The following FILIP1L variants were observed in gnomAD, a reference collection of about 807,000 sequenced individuals.
FILIP1L encodes the protein filamin A interacting protein 1 like, also known as filamin A-interacting protein 1-like.
Under a neutral mutation model 96.6 loss-of-function variants are expected in FILIP1L, and 55 were observed. The ratio of observed to expected loss-of-function variants is 0.57; its 90% CI spans 0.46 to 0.71. FILIP1L has a LOEUF of 0.71. FILIP1L is among the 30% of genes least tolerant of loss of function. The pLI, the probability that FILIP1L is intolerant of heterozygous loss-of-function variation, is 0.00. For synonymous variants in FILIP1L, 467 were observed against 473.9 expected, an observed-to-expected ratio of 0.99 and a Z score of 0.19; for missense variants, 1,304 against 1,321.2, an observed-to-expected ratio of 0.99 and a Z score of 0.20.
chr3:99,882,890 T>C (rs911587308), intron 4 of FILIP1L, among the ~76,000 whole-genome samples: 2 of 152,254 alleles, frequency 1.3e-5, no homozygotes, highest in African/African-American at 2.4e-5. Flanking sequence ...TATAGATTGC[T>C]GCTTATCATC....
chr3:99,911,089 G>A (rs76686852), intron 4 of FILIP1L, among the ~76,000 whole-genome samples: 6,421 of 152,030 alleles, frequency 0.042, 181 homozygotes, highest in Middle Eastern at 0.092. Context: ...CTAGGCAAAG[G>A]GATTAGGTAG....
At chr3:99,942,409 A>C (rs1168341781) in intron 1 of FILIP1L, among the ~76,000 whole-genome samples, 2 of 152,206 alleles carry the variant, frequency 1.3e-5, no homozygotes, top group Admixed American at 1.3e-4. Context: ...AATATTGAGG[A>C]TCTCTGAAGA....
At chr3:100,096,869 C>A (rs1234636434) in intron 1 of FILIP1L, among the ~76,000 whole-genome samples, 1 of 152,110 alleles carries the variant, frequency 6.6e-6, no homozygotes, top group Non-Finnish European at 1.5e-5. Context: ...CAAAATATCT[C>A]ATATACCCCA....
intron 1 of FILIP1L, among the ~76,000 whole-genome samples, chr3:99,984,302 T>C (rs1462823786): frequency 6.6e-6 from 1 of 152,232 alleles, no homozygotes; most frequent in Non-Finnish European, 1.5e-5. Flanking sequence ...GGCTATATTT[T>C]GTCTTCTCCA....
intron 1 of FILIP1L, among the ~76,000 whole-genome samples, chr3:99,954,884 G>A (rs369633601): frequency 6.6e-6 from 1 of 152,034 alleles, no homozygotes; most frequent in Non-Finnish European, 1.5e-5. Flanking sequence ...AGGGTAAAAT[G>A]AAATAATTGA....
chr3:99,895,163 T>TAC (rs1491010603), intron 4 of FILIP1L, among the ~76,000 whole-genome samples: 2 of 149,054 alleles, frequency 1.3e-5, no homozygotes, highest in Non-Finnish European at 2.9e-5. Context: ...AGAGAATGCT[T>TAC]ATATATATAT....
intron 4 of FILIP1L, among the ~76,000 whole-genome samples, chr3:99,899,229 A>C (rs1422584446): frequency 1.3e-5 from 2 of 152,358 alleles, no homozygotes; most frequent in East Asian, 3.9e-4. Flanking sequence ...TCATATAAAG[A>C]GTCTGCTCAG....
intron 4 of FILIP1L, among the ~76,000 whole-genome samples, chr3:99,860,646 G>T (rs1232023386): frequency 6.6e-6 from 1 of 152,144 alleles, no homozygotes; most frequent in Admixed American, 6.6e-5. Flanking sequence ...TTCTGGGCTA[G>T]AAAAGACACT....
chr3:100,038,877 T>A (rs190452894), intron 1 of FILIP1L, among the ~76,000 whole-genome samples: 2 of 152,096 alleles, frequency 1.3e-5, no homozygotes, highest in African/African-American at 4.8e-5. Flanking sequence ...GAACATATTG[T>A]CTATATCGTA....
chr3:99,991,993 CGT>C (rs1559717311), intron 1 of FILIP1L, among the ~76,000 whole-genome samples: 5 of 142,850 alleles, frequency 3.5e-5, no homozygotes, highest in Non-Finnish European at 7.6e-5. Context: ...TGTATATATA[CGT>C]ATATATATGT....
chr3:100,001,580 T>A (rs1391548205), intron 1 of FILIP1L, among the ~76,000 whole-genome samples: 1 of 152,142 alleles, frequency 6.6e-6, no homozygotes, highest in Non-Finnish European at 1.5e-5. Flanking sequence ...GCCAGAACAT[T>A]GTTAAATGAC....
intron 1 of FILIP1L, among the ~76,000 whole-genome samples, chr3:99,948,738 A>G (rs1708089100): frequency 2.0e-5 from 3 of 151,728 alleles, no homozygotes; most frequent in East Asian, 1.9e-4. Context: ...GAAGGGAAGG[A>G]AAGGAAAAAA....
At chr3:100,074,675 A>AGTTTTTTTTTTTTTTTTTTTTTTTT (rs2065818687) in intron 1 of FILIP1L, among the ~76,000 whole-genome samples, 1 of 34,782 alleles carries the variant, frequency 2.9e-5, no homozygotes, top group African/African-American at 1.2e-4. Context: ...GCAACATTTG[A>AGTTTTTTTTTTTTTTTTTTTTTTTT]TTTTTTTTTT....
At chr3:100,055,355 C>T (rs747440235) in intron 1 of FILIP1L, among the ~76,000 whole-genome samples, 15 of 152,208 alleles carry the variant, frequency 9.9e-5, no homozygotes, top group Non-Finnish European at 1.8e-4. Flanking sequence ...TCCATCCAGG[C>T]GATAGAAAAT....
chr3:100,106,163 A>C (rs1307920020), intron 1 of FILIP1L, among the ~76,000 whole-genome samples: 1 of 152,170 alleles, frequency 6.6e-6, no homozygotes, highest in Non-Finnish European at 1.5e-5. Context: ...ACCACATAGT[A>C]AATCAGAAGA....
intron 1 of FILIP1L, among the ~76,000 whole-genome samples, chr3:100,016,851 A>G (rs911760400): frequency 9.8e-5 from 15 of 152,346 alleles, no homozygotes; most frequent in Middle Eastern, 6.8e-3. Context: ...ATTTCATGAC[A>G]TCTTAGTCTA....
rs553566326 is a variant in FILIP1L at position 99,906,287 on chromosome 3, A to G, written c.605+17943T>C. On this transcript the variant is annotated intron_variant, in intron 4 of 5. Coordinates refer to ENST00000477258, the MANE Select transcript of FILIP1L (RefSeq NM_001387850.1). ...ATTTGTATTTCCCTGATGATTTATA[A>G]TGTTGAAACTCCCTTTCACATGCTT... Among the ~76,000 whole-genome samples the G allele has an allele frequency of 2.0e-5, 3 of 152,222 alleles. No individual in the cohort carries two copies. In the South Asian group the frequency reaches 6.2e-4, roughly 32 times the overall value.
chr3:99,882,243 C>T (rs979819354), intron 4 of FILIP1L, among the ~76,000 whole-genome samples: 3 of 152,154 alleles, frequency 2.0e-5, no homozygotes, highest in Admixed American at 6.5e-5. Flanking sequence ...ACGTCCCTTT[C>T]GGTTCCAAAT....
intron 1 of FILIP1L, among the ~76,000 whole-genome samples, chr3:100,026,591 A>G (rs1253608674): frequency 5.3e-5 from 8 of 152,140 alleles, no homozygotes; most frequent in Non-Finnish European, 8.8e-5. Flanking sequence ...CTTTTCTTCT[A>G]CTTGTTCAAA....
Sources: gnomAD v4.1 joint callset for allele counts (sites outside exome capture counted in the v4.1 genomes callset) on GRCh38, gnomAD v4.1.1 for gene constraint, MANE v1.5 for transcripts, NCBI Gene and HGNC (gene_info 2026-07-23, HGNC 2026-07-21) for gene names.